The following TEX264 variants were observed in gnomAD, a reference collection of about 807,000 sequenced individuals.
The protein encoded by TEX264 is testis-expressed protein 264.
Under a neutral mutation model 23.4 loss-of-function variants are expected in TEX264, and 13 were observed. The observed-to-expected ratio is 0.56, with a 90% CI of 0.36 to 0.88. The LOEUF is 0.88. Ranked by LOEUF, TEX264 falls within the 40% of genes least tolerant of loss-of-function variation. The pLI, the probability that TEX264 is intolerant of heterozygous loss-of-function variation, is 0.01. For missense variants in TEX264, 340 were observed against 406.8 expected, an observed-to-expected ratio of 0.84 and a Z score of 1.41; for synonymous variants, 159 against 170.0, an observed-to-expected ratio of 0.94 and a Z score of 0.50.
At chr3:51,678,738 G>C (rs1702318823) in intron 2 of TEX264, among the ~76,000 whole-genome samples, 1 of 152,202 alleles carries the variant, frequency 6.6e-6, no homozygotes, top group African/African-American at 2.4e-5. Context: ...CAGCCTCACA[G>C]AGGCTGGTGA....
intron 3 of TEX264, among the ~76,000 whole-genome samples, chr3:51,697,177 A>G (rs1427710810): frequency 6.6e-6 from 1 of 152,198 alleles, no homozygotes; most frequent in Non-Finnish European, 1.5e-5. Flanking sequence ...GGCTCTCCGG[A>G]GGAAGCAGAT....
rs1271935148 is a variant in TEX264 at position 51,674,468 on chromosome 3, G to A, written c.164G>A (p.Gly55Glu). ...NVTVAYKFHMGLYGETGRLFT... is the reference protein window; with the variant it reads ...NVTVAYKFHMELYGETGRLFT... ...ACTGTGGCCTACAAGTTCCACATGGGGCTCTATGGTGAGACTGGGCGGCTT... is the reference window on the plus strand; with the variant it reads ...ACTGTGGCCTACAAGTTCCACATGGAGCTCTATGGTGAGACTGGGCGGCTT... The change falls in exon 2 of 5, where the codon GGG becomes GAG. Residue 55 changes from glycine to glutamate, a missense_variant. Coordinates refer to ENST00000341333, the MANE Select transcript of TEX264 (RefSeq NM_015926.6). The A allele has an allele frequency of 1.2e-6, 2 of 1,614,050 alleles. No individual in the cohort carries two copies. Among genetic ancestry groups the A allele is most frequent in the Admixed American group, 3.3e-5 (2 of 60,006 alleles).
chr3:51,673,469 C>G (rs1702123334), intron 1 of TEX264, among the ~76,000 whole-genome samples: 1 of 152,224 alleles, frequency 6.6e-6, no homozygotes, highest in Non-Finnish European at 1.5e-5. Flanking sequence ...TTACTTCCTC[C>G]TGCTGTGCGA....
At chr3:51,676,040 T>C (rs1217897083) in intron 2 of TEX264, among the ~76,000 whole-genome samples, 1 of 152,180 alleles carries the variant, frequency 6.6e-6, no homozygotes, top group Non-Finnish European at 1.5e-5. Context: ...GTTGAGGTTT[T>C]GCAGTCACAT....
At position 51,703,258 on chromosome 3, in the gene TEX264, C is replaced by G. The variant is rs995317251; in HGVS notation, c.650-466C>G. 6.6e-6 allele frequency among the ~76,000 whole-genome samples: 1 copy of G among 152,312 alleles called. No individual in the cohort carries two copies. The highest frequency in any genetic ancestry group is 1.9e-4 in the East Asian group (1 of 5,180). On this transcript the variant is annotated intron_variant, in intron 4 of 4. Coordinates refer to ENST00000341333, the MANE Select transcript of TEX264 (RefSeq NM_015926.6). This position sits in a 1 kb window ranked among gnomAD's most constrained non-coding sequence, Gnocchi z 4.8. ...GCCTCCTGCTGCATTCTGCAGTCCTCGTGCCCTGTGGGTGATGTTCTGTAG... is the reference window on the plus strand; with the variant it reads ...GCCTCCTGCTGCATTCTGCAGTCCTGGTGCCCTGTGGGTGATGTTCTGTAG...
In TEX264 at chr3:51,674,295, AT is replaced by A; in HGVS notation, c.-9del. 6.2e-7 allele frequency: 1 copy of A among 1,614,014 alleles called. No individual in the cohort carries two copies. The highest frequency in any genetic ancestry group is 8.5e-7 in the Non-Finnish European group (1 of 1,179,946). ...GCTGCCTTGAGGTGCAGTGTTGGGGATCCAGAGCCATGTCGGACCTGCTACT... is the reference window on the plus strand; with the variant it reads ...GCTGCCTTGAGGTGCAGTGTTGGGGACCAGAGCCATGTCGGACCTGCTACT... On this transcript the variant is annotated 5_prime_UTR_variant, in exon 2 of 5. Coordinates refer to ENST00000341333, the MANE Select transcript of TEX264 (RefSeq NM_015926.6).
chr3:51,676,238 C>G (rs115898153), intron 2 of TEX264, among the ~76,000 whole-genome samples: 19 of 152,348 alleles, frequency 1.2e-4, no homozygotes, highest in African/African-American at 4.3e-4. Context: ...AGAGTCCTTG[C>G]AGCTGGCTGT....
At chr3:51,684,723 G>T in intron 3 of TEX264, 89 bp downstream of exon 3, 1 of 1,365,988 alleles carries the variant, frequency 7.3e-7, no homozygotes, top group Non-Finnish European at 1.0e-6. Flanking sequence ...GGAGGAAGAA[G>T]TGGTTTTGGG....
chr3:51,678,049 T>G (rs559447069), intron 2 of TEX264, among the ~76,000 whole-genome samples: 39 of 152,214 alleles, frequency 2.6e-4, no homozygotes, highest in Admixed American at 1.3e-3. Context: ...AGTTCAGAGA[T>G]AAGGATCACA....
chr3:51,676,397 G>T (rs1330316588), intron 2 of TEX264, among the ~76,000 whole-genome samples: 1 of 152,230 alleles, frequency 6.6e-6, no homozygotes, highest in African/African-American at 2.4e-5. Flanking sequence ...GATGGAAGAA[G>T]CCTGGCATGG....
intron 4 of TEX264, among the ~76,000 whole-genome samples, chr3:51,701,897 G>T (rs1213677063): frequency 6.6e-6 from 1 of 152,218 alleles, no homozygotes; most frequent in African/African-American, 2.4e-5. Flanking sequence ...TTCCCAAAGT[G>T]CTGGGATTAC....
At chr3:51,687,977 A>G (rs926195431) in intron 3 of TEX264, among the ~76,000 whole-genome samples, 1 of 152,210 alleles carries the variant, frequency 6.6e-6, no homozygotes, top group African/African-American at 2.4e-5. Context: ...CCAGCTTGGC[A>G]GCCTGGCAAA....
intron 2 of TEX264, among the ~76,000 whole-genome samples, chr3:51,680,817 C>T (rs1417176668): frequency 6.6e-6 from 1 of 152,230 alleles, no homozygotes; most frequent in East Asian, 1.9e-4. Flanking sequence ...TGGATGGGGT[C>T]TCTTGCCCAT....
chr3:51,682,811 A>C (rs1174740825), intron 2 of TEX264: 1 of 152,276 alleles, frequency 6.6e-6, no homozygotes, highest in Non-Finnish European at 1.5e-5. Context: ...CGTAGGCTTC[A>C]AGGGGGCTGC....
intron 2 of TEX264, among the ~76,000 whole-genome samples, chr3:51,679,192 T>C (rs1393095072): frequency 4.6e-5 from 7 of 152,200 alleles, no homozygotes; most frequent in Non-Finnish European, 1.0e-4. Context: ...TGTCTGAGTA[T>C]GTCTCCTCAT....
chr3:51,690,581 G>T (rs1186434080), intron 3 of TEX264, among the ~76,000 whole-genome samples: 3 of 151,640 alleles, frequency 2.0e-5, no homozygotes, highest in Non-Finnish European at 4.4e-5. Context: ...AAAAAAGCAG[G>T]TGAGGGAGCC....
chr3:51,697,900 G>A (rs1196538479), intron 3 of TEX264, among the ~76,000 whole-genome samples: 4 of 152,238 alleles, frequency 2.6e-5, no homozygotes, highest in African/African-American at 9.6e-5. Context: ...GGTTGGCAAA[G>A]AAGATTTGAC....
At chr3:51,678,011 C>G (rs544078320) in intron 2 of TEX264, among the ~76,000 whole-genome samples, 1 of 152,288 alleles carries the variant, frequency 6.6e-6, no homozygotes, top group Admixed American at 6.5e-5. Flanking sequence ...GGCCATTCCT[C>G]TTCAAGGTAT....
chr3:51,684,462 G>A lies in TEX264; in HGVS notation c.308G>A (p.Gly103Asp), dbSNP rs886519784. The change falls in exon 3 of 5, where the codon GGT (glycine) becomes GAT (aspartate). Residue 103 changes from glycine (G) to aspartate (D), a missense_variant. Transcript: ENST00000341333. ...RCAVGSILSE[G>D]EESPSPELID... ...GCCGTGGGCAGCATCCTGAGTGAAG[G>A]TGAGGAATCGCCCTCCCCTGAGCTC... is the stretch of plus-strand genomic sequence containing the variant. 1.2e-6 allele frequency: 2 copies of A among 1,614,210 alleles called. No individual in the cohort carries two copies. Among genetic ancestry groups the A allele is most frequent in the Non-Finnish European group, 1.7e-6 (2 of 1,180,036 alleles).
Sources: allele counts gnomAD v4.1 joint callset (sites outside exome capture counted in the v4.1 genomes callset), GRCh38; gene constraint gnomAD v4.1.1; non-coding constraint Gnocchi (gnomAD v3.1); transcripts MANE v1.5; gene names NCBI Gene and HGNC (gene_info 2026-07-23, HGNC 2026-07-21).